Variants in GRIA1 observed in about 807,000 individuals in gnomAD.
GRIA1 encodes the protein glutamate ionotropic receptor AMPA type subunit 1.
In GRIA1, 31 loss-of-function variants were observed where a neutral mutation model predicts 99.2. The ratio of observed to expected loss-of-function variants is 0.31; its 90% CI spans 0.23 to 0.42. The LOEUF is 0.42. Ranked by LOEUF, GRIA1 falls within the 10% of genes least tolerant of loss-of-function variation. GRIA1 has a pLI of 1.00. For missense variants in GRIA1, 782 were observed against 1,157.5 expected (o/e 0.68, Z 4.71); for synonymous variants, 438 against 432.4 (o/e 1.01, Z -0.16).
At chr5:153,526,003 A>G (rs1220398941) in intron 2 of GRIA1, among the ~76,000 whole-genome samples, 1 of 152,044 alleles carries the variant, frequency 6.6e-6, no homozygotes. Context: ...AAAGAAAACT[A>G]CTCCTGTGGA....
chr5:153,607,693 G>T (rs900972212), intron 2 of GRIA1, among the ~76,000 whole-genome samples: 2 of 151,838 alleles, frequency 1.3e-5, no homozygotes, highest in South Asian at 2.1e-4. Flanking sequence ...TTTCCCAGAT[G>T]GTACAAAGAC....
At chr5:153,743,816 G>A (rs1761974358) in intron 11 of GRIA1, among the ~76,000 whole-genome samples, 1 of 152,142 alleles carries the variant, frequency 6.6e-6, no homozygotes, top group Non-Finnish European at 1.5e-5. Context: ...GTAACACCAG[G>A]GGGCAGAGGT....
intron 10 of GRIA1, among the ~76,000 whole-genome samples, chr5:153,700,035 C>T (rs2149514329): frequency 6.6e-6 from 1 of 152,324 alleles, no homozygotes; most frequent in South Asian, 2.1e-4. Flanking sequence ...TAAGGGCTAA[C>T]TAGAGTTTGT....
At chr5:153,550,799 T>C (rs1265784310) in intron 2 of GRIA1, among the ~76,000 whole-genome samples, 2 of 152,184 alleles carry the variant, frequency 1.3e-5, no homozygotes, top group Admixed American at 1.3e-4. Context: ...TCTGGACGGC[T>C]TGAGAAAGCA....
rs575002830 is a variant in GRIA1 at position 153,729,255 on chromosome 5, C to T, written c.1823+23188C>T. The stretch of plus-strand genomic sequence containing the variant: ...GTTGTGGGGTAGGGAGAGGGGGGAG[C>T]GATAGCATTAGGAGATATACCTAAT... On this transcript the variant is annotated intron_variant, in intron 11 of 15. Coordinates refer to ENST00000285900, the MANE Select transcript of GRIA1 (RefSeq NM_000827.4). Among the ~76,000 whole-genome samples, 12 of 151,560 alleles carry T rather than the reference C, an allele frequency of 7.9e-5. No homozygotes were observed. In the South Asian group the frequency reaches 2.3e-3, roughly 29 times the overall value.
Position 153,802,495 on chromosome 5 carries a change from C to A in GRIA1, c.2520+5C>A. ...AGTGAATCCAAGCGGATGAAGGTGG[C>A]ATCGTCTTCCCGGGCCTTTTTCCTA... On this transcript the variant is annotated splice_donor_5th_base_variant and intron_variant, in intron 15 of 15. Transcript: ENST00000285900. 1 of 1,613,902 alleles carries A rather than the reference C, an allele frequency of 6.2e-7. No homozygotes were observed. The highest frequency in any genetic ancestry group is 8.5e-7 in the Non-Finnish European group (1 of 1,179,892).
Position 153,705,864 on chromosome 5 carries a change from G to A in GRIA1, c.1620G>A (p.Trp540Ter). 6.2e-7 allele frequency: 1 copy of A among 1,613,834 alleles called. No homozygotes were observed. The highest frequency in any genetic ancestry group is 8.5e-7 in the Non-Finnish European group (1 of 1,179,962). ...SFLDPLAYEI[W>*]MCIVFAYIGV... ...TTGATCCTTTGGCTTATGAGATTTG[G>A]ATGTGCATTGTTTTTGCCTACATTG... Residue 540 changes from tryptophan to a stop codon, truncating the protein, a stop_gained, in exon 11 of 16, where the codon TGG (tryptophan) becomes TGA (stop). Coordinates refer to ENST00000285900, the MANE Select transcript of GRIA1 (RefSeq NM_000827.4). LOFTEE classifies it high-confidence loss of function.
chr5:153,543,500 G>C (rs11742547), intron 2 of GRIA1, among the ~76,000 whole-genome samples: 70,650 of 151,922 alleles, frequency 0.47, 18,147 homozygotes, highest in Non-Finnish European at 0.59. Flanking sequence ...AGTAAACTAA[G>C]ACAAAGTCAG....
chr5:153,600,796 G>T (rs76350836), intron 2 of GRIA1, among the ~76,000 whole-genome samples: 100 of 152,342 alleles, frequency 6.6e-4, no homozygotes, highest in African/African-American at 2.2e-3. Flanking sequence ...TGAATTAAAT[G>T]AGCTTTGCAC....
chr5:153,703,830 C>A (rs1758698933), intron 10 of GRIA1, among the ~76,000 whole-genome samples: 2 of 152,190 alleles, frequency 1.3e-5, no homozygotes, highest in Non-Finnish European at 2.9e-5. Flanking sequence ...CATGCAATAT[C>A]ATTTACCCCT....
chr5:153,664,834 C>T (rs1755629199), intron 5 of GRIA1, among the ~76,000 whole-genome samples: 1 of 152,310 alleles, frequency 6.6e-6, no homozygotes, highest in South Asian at 2.1e-4. Context: ...TTTTATCAAA[C>T]ATTCAATGGG....
At position 153,534,441 on chromosome 5, in the gene GRIA1, C is replaced by T. The variant is rs143155359; in HGVS notation, c.220+40376C>T. Among the ~76,000 whole-genome samples, 903 of 152,284 alleles carry T rather than the reference C, an allele frequency of 5.9e-3. 5 individuals are homozygous for T. Among genetic ancestry groups the T allele is most frequent in the Non-Finnish European group, 9.1e-3 (619 of 68,006 alleles). On this transcript the variant is annotated intron_variant, in intron 2 of 15. Coordinates refer to ENST00000285900, the MANE Select transcript of GRIA1 (RefSeq NM_000827.4). ...AAAAAAATGTCTAGGGAAAGCAAAA[C>T]GGCCAACTAAGGTAGTAAACACTTC...
chr5:153,756,340 T>C (rs891004012), intron 11 of GRIA1, among the ~76,000 whole-genome samples: 1 of 152,062 alleles, frequency 6.6e-6, no homozygotes, highest in Non-Finnish European at 1.5e-5. Flanking sequence ...TCTGGGCTAC[T>C]GGGGTGAGCT....
chr5:153,593,004 A>G (rs1764106582), intron 2 of GRIA1, among the ~76,000 whole-genome samples: 1 of 152,162 alleles, frequency 6.6e-6, no homozygotes, highest in African/African-American at 2.4e-5. Flanking sequence ...AGTGGCTCAC[A>G]CCTGTGATCC....
At chr5:153,499,693 T>C (rs1470119905) in intron 2 of GRIA1, among the ~76,000 whole-genome samples, 12 of 147,182 alleles carry the variant, frequency 8.2e-5, no homozygotes, top group Admixed American at 8.1e-4. Flanking sequence ...AGCCCAACGG[T>C]AGAAGTGTCA....
intron 2 of GRIA1, among the ~76,000 whole-genome samples, chr5:153,617,228 C>G (rs576243714): frequency 6.6e-6 from 1 of 152,150 alleles, no homozygotes; most frequent in Non-Finnish European, 1.5e-5. Context: ...TTAGTGAGTT[C>G]GTGATATCAT....
At chr5:153,621,942 A>G (rs916786765) in intron 2 of GRIA1, among the ~76,000 whole-genome samples, 1 of 152,316 alleles carries the variant, frequency 6.6e-6, no homozygotes, top group South Asian at 2.1e-4. Flanking sequence ...GGTTGCAAAT[A>G]CACCTTACAG....
chr5:153,581,786 T>G (rs1192779887), intron 2 of GRIA1, among the ~76,000 whole-genome samples: 1 of 151,342 alleles, frequency 6.6e-6, no homozygotes, highest in Non-Finnish European at 1.5e-5. Flanking sequence ...GGTGTTGTTC[T>G]GTCACCCAGG....
At chr5:153,613,265 A>T (rs887417230) in intron 2 of GRIA1, among the ~76,000 whole-genome samples, 5 of 152,202 alleles carry the variant, frequency 3.3e-5, no homozygotes, top group Admixed American at 2.6e-4. Context: ...ACCAGCTTTC[A>T]GGCAGGAGCA....
Sources: allele counts gnomAD v4.1 joint callset (sites outside exome capture counted in the v4.1 genomes callset), GRCh38; gene constraint gnomAD v4.1.1; transcripts MANE v1.5; gene names NCBI Gene and HGNC (gene_info 2026-07-23, HGNC 2026-07-21).